The following ANPEP variants were observed in gnomAD, a reference collection of about 807,000 sequenced individuals.
ANPEP encodes the protein alanyl aminopeptidase, membrane.
In ANPEP, 70 loss-of-function variants were observed where a neutral mutation model predicts 114.6. The ratio of observed to expected loss-of-function variants is 0.61; its 90% confidence interval spans 0.50 to 0.75. The LOEUF (loss-of-function observed/expected upper bound fraction) is 0.75. ANPEP is among the 30% of genes least tolerant of loss of function. The pLI, the probability that ANPEP is intolerant of heterozygous loss-of-function variation, is 0.00. For missense variants in ANPEP, 1,184 were observed against 1,259.5 expected, an observed-to-expected ratio of 0.94 and a Z score of 0.91; for synonymous variants, 548 against 522.3, an observed-to-expected ratio of 1.05 and a Z score of -0.67.
intron 1 of ANPEP, among the ~76,000 whole-genome samples, chr15:89,812,420 C>T (rs895814025): frequency 5.9e-5 from 9 of 152,226 alleles, no homozygotes; most frequent in East Asian, 3.9e-4. Context: ...CTGAGGCCTC[C>T]GCCCATAGCT....
intron 20 of ANPEP, among the ~76,000 whole-genome samples, chr15:89,790,171 G>A (rs1236965698): frequency 2.6e-5 from 4 of 152,060 alleles, no homozygotes; most frequent in Admixed American, 6.6e-5. Context: ...TTGCCCGCCC[G>A]GAAAAAGTAC....
In ANPEP at chr15:89,806,406, C is replaced by G. The variant is rs757787924; in HGVS notation, c.178G>C (p.Ala60Pro). Residue 60 changes from alanine to proline, a missense_variant, in exon 2 of 21, where the codon GCC (alanine) becomes CCC (proline). Physicochemically the swap from Ala to Pro is conservative, Grantham distance 27. Coordinates refer to ENST00000300060, the MANE Select transcript of ANPEP (RefSeq NM_001150.3). This position sits in a 1 kb window ranked among gnomAD's most constrained non-coding sequence, Gnocchi z 5.7. ...CTTTGGTCCAAGGTGGTGGCCGAGG[C>G]GGGGTTGGTGGTGGCTGAGGCGGAC... ...TPSASATTNP[A>P]SATTLDQSKA... 1.9e-6 allele frequency: 3 copies of G among 1,613,864 alleles called. No homozygotes were observed. Among genetic ancestry groups the G allele is most frequent in the Non-Finnish European group, 2.5e-6 (3 of 1,179,992 alleles).
chr15:89,803,770 A>ATTC lies in ANPEP; in HGVS notation c.1311_1313dup (p.Leu437_Asn438insLys). On this transcript the variant is annotated inframe_insertion, in exon 8 of 21. Transcript: ENST00000300060. This position sits in a 1 kb window ranked among gnomAD's most constrained non-coding sequence, Gnocchi z 4.2. ...CCACTGCCATCACGCGGTACACATC[A>ATTC]TTCAGCACCATGAGGTCTTTCTGCA... 1 of 1,608,166 alleles carries ATTC rather than the reference A, an allele frequency of 6.2e-7. No individual in the cohort carries two copies.
At chr15:89,804,931 G>A (rs1894677799) in intron 4 of ANPEP, 147 bp downstream of exon 4, 8 of 1,190,606 alleles carry the variant, frequency 6.7e-6, no homozygotes, top group Non-Finnish European at 9.5e-6. Context: ...GAGAACCAGA[G>A]AACAAGACAC....
chr15:89,800,781 G>A (rs867951997), intron 12 of ANPEP, among the ~76,000 whole-genome samples: 127 of 152,070 alleles, frequency 8.4e-4, no homozygotes, highest in African/African-American at 3.0e-3. Context: ...GGCTGGTCTC[G>A]AACTCCTGAC....
At position 89,785,477 on chromosome 15, in the gene ANPEP, C is replaced by T. The variant is rs1567152296; in HGVS notation, c.2776G>A (p.Glu926Lys). ...GTGCCTGAGCCGAAGCCTGTTTCCT[C>T]GTTGTCCTTCTTGAACTGCTCCAGC... The part of the protein sequence containing the change: ...QQLEQFKKDN[E>K]ETGFGSGTRA... The change falls in exon 21 of 21, where the codon GAG becomes AAG. Residue 926 changes from glutamate (E) to lysine (K), a missense_variant. Coordinates refer to ENST00000300060, the MANE Select transcript of ANPEP (RefSeq NM_001150.3). 2.5e-6 allele frequency: 4 copies of T among 1,614,044 alleles called. No individual in the cohort carries two copies. Among genetic ancestry groups the T allele is most frequent in the African/African-American group, 1.3e-5 (1 of 75,054 alleles).
chr15:89,790,280 ATTT>A (rs202154446), intron 20 of ANPEP, among the ~76,000 whole-genome samples, 177 bp downstream of exon 20: 4 of 152,132 alleles, frequency 2.6e-5, no homozygotes, highest in Admixed American at 2.6e-4. Context: ...CCCAAGATGA[ATTT>A]TTTAAATTGA....
chr15:89,785,498 C>A lies in ANPEP; in HGVS notation c.2755G>T (p.Glu919Ter). The A allele has an allele frequency of 8.1e-6, 13 of 1,613,786 alleles. No homozygotes were observed. Among genetic ancestry groups the A allele is most frequent in the Non-Finnish European group, 1.1e-5 (13 of 1,179,854 alleles). The change falls in exon 21 of 21, where the codon GAG (glutamate) becomes TAG (stop). Residue 919 changes from glutamate to a stop codon, truncating the protein, a stop_gained. Coordinates refer to ENST00000300060, the MANE Select transcript of ANPEP (RefSeq NM_001150.3). LOFTEE classifies it high-confidence loss of function. ...FSTEYELQQL[E>*]QFKKDNEETG... ...TCCTCGTTGTCCTTCTTGAACTGCTCCAGCTGCCAGAAAAACAAAAGATTC... is the reference window on the plus strand; with the variant it reads ...TCCTCGTTGTCCTTCTTGAACTGCTACAGCTGCCAGAAAAACAAAAGATTC...
chr15:89,792,302 C>A lies in ANPEP; in HGVS notation c.2386G>T (p.Val796Phe). The change falls in exon 18 of 21, where the codon GTC becomes TTC. Residue 796 changes from valine (V) to phenylalanine (F), a missense_variant. By Grantham distance (50) the Val-to-Phe change is conservative. Coordinates refer to ENST00000300060, the MANE Select transcript of ANPEP (RefSeq NM_001150.3). ...NPIHPNLRST[V>F]YCNAIAQGGE... ...CCCTGGGCGATAGCGTTGCAGTAGACGGTGGACCGCAGGTTGGGGTGGATC... is the reference window on the plus strand; with the variant it reads ...CCCTGGGCGATAGCGTTGCAGTAGAAGGTGGACCGCAGGTTGGGGTGGATC... 6.2e-7 allele frequency: 1 copy of A among 1,614,184 alleles called. No individual in the cohort carries two copies. Among genetic ancestry groups the A allele is most frequent in the Non-Finnish European group, 8.5e-7 (1 of 1,180,010 alleles).
At chr15:89,812,691 C>G (rs376123937) in intron 1 of ANPEP, among the ~76,000 whole-genome samples, 1 of 151,880 alleles carries the variant, frequency 6.6e-6, no homozygotes, top group East Asian at 2.0e-4. Context: ...AAACTGAGCA[C>G]CTACTATGTG....
At chr15:89,813,279 C>G (rs71405666) in intron 1 of ANPEP, among the ~76,000 whole-genome samples, 15 of 152,092 alleles carry the variant, frequency 9.9e-5, no homozygotes, top group African/African-American at 3.4e-4. Context: ...ACATGGGGAC[C>G]CCCATCTATG....
At chr15:89,814,492 C>T (rs1425513312) in intron 1 of ANPEP, among the ~76,000 whole-genome samples, 1 of 152,164 alleles carries the variant, frequency 6.6e-6, no homozygotes, top group Non-Finnish European at 1.5e-5. Context: ...TCGCCCTCGC[C>T]CACCCTGGGG....
intron 20 of ANPEP, among the ~76,000 whole-genome samples, chr15:89,788,592 T>G (rs1317157906): frequency 6.6e-6 from 1 of 151,906 alleles, no homozygotes; most frequent in African/African-American, 2.4e-5. Context: ...TGTTTGTTTG[T>G]TTGGTTTGGT....
intron 16 of ANPEP, 119 bp from the exon 17 acceptor site, chr15:89,792,681 G>GGC (rs1357472379): frequency 1.1e-5 from 10 of 871,308 alleles, no homozygotes; most frequent in Non-Finnish European, 1.8e-5. Flanking sequence ...CTGGCCCTCT[G>GGC]ACCCCCGCTG....
intron 15 of ANPEP, among the ~76,000 whole-genome samples, chr15:89,795,117 A>G (rs1968704656): frequency 6.6e-6 from 1 of 152,036 alleles, no homozygotes; most frequent in South Asian, 2.1e-4. Flanking sequence ...GGAAAACTTC[A>G]TAAGAGCCTG....
rs1010761364 is a variant in ANPEP, at chr15:89,799,827, G to A, written c.1820-268C>T. ...GCACGGCCAGGCCAGCTGCCAGGCC[G>A]CTCACACTCAGCAATCCAGGCTGTT... On this transcript the variant is annotated intron_variant, in intron 12 of 20. Coordinates refer to ENST00000300060, the MANE Select transcript of ANPEP (RefSeq NM_001150.3). This position sits in a 1 kb window ranked among gnomAD's most constrained non-coding sequence, Gnocchi z 4.2. 6.6e-6 allele frequency among the ~76,000 whole-genome samples: 1 copy of A among 152,094 alleles called. No individual in the cohort carries two copies. The highest frequency in any genetic ancestry group is 6.5e-5 in the Admixed American group (1 of 15,272).
chr15:89,805,085 C>T lies in ANPEP; in HGVS notation c.890G>A (p.Gly297Asp). 6.2e-7 allele frequency: 1 copy of T among 1,614,214 alleles called. No homozygotes were observed. Reference sequence around the variant, plus strand: ...ATGGGCCCAGCCTCATACCAAGACACCATTGGATGCCTGCTTCTCCACGTA... The same window carrying T: ...ATGGGCCCAGCCTCATACCAAGACATCATTGGATGCCTGCTTCTCCACGTA... ...FDYVEKQASN[G>D]VLIRIWARPS... Residue 297 changes from glycine to aspartate, a missense_variant, in exon 4 of 21, where the codon GGT (glycine) becomes GAT (aspartate). By Grantham distance (94) the Gly-to-Asp change is moderately conservative (BLOSUM62 -1). Coordinates refer to ENST00000300060, the MANE Select transcript of ANPEP (RefSeq NM_001150.3).
chr15:89,801,184 G>A lies in ANPEP; in HGVS notation c.1746C>T (p.Tyr582=), dbSNP rs751666663. 28 of 1,614,102 alleles carry A rather than the reference G, an allele frequency of 1.7e-5. No homozygotes were observed. The highest frequency in any genetic ancestry group is 2.7e-5 in the African/African-American group (2 of 75,056). The part of the protein sequence containing the change: ...SNVTRPSEFN[Y]VWIVPITSIR... ...TGGATGTGATGGGCACAATCCACAC[G>A]TAGCTGCAATTAAAGATCCAGAGGT... is the stretch of plus-strand genomic sequence containing the variant. The change falls in exon 12 of 21, where the codon TAC becomes TAT. Residue 582 remains tyrosine (Y), a synonymous_variant. Transcript: ENST00000300060.
intron 19 of ANPEP, among the ~76,000 whole-genome samples, 192 bp from the exon 20 acceptor site, chr15:89,790,733 TGGAGA>T (rs1223088731): frequency 6.6e-6 from 1 of 152,160 alleles, no homozygotes; most frequent in Non-Finnish European, 1.5e-5. Context: ...CCCTCTCTTC[TGGAGA>T]ATACGCCCAC....
Sources: allele counts gnomAD v4.1 joint callset (sites outside exome capture counted in the v4.1 genomes callset), GRCh38; gene constraint gnomAD v4.1.1; non-coding constraint Gnocchi (gnomAD v3.1); transcripts MANE v1.5; gene names NCBI Gene and HGNC (gene_info 2026-07-23, HGNC 2026-07-21).